PIK3R4: variants seen among roughly 807,000 people sequenced by gnomAD.
PIK3R4 encodes phosphoinositide-3-kinase regulatory subunit 4, also known as phosphoinositide 3-kinase regulatory subunit 4.
PIK3R4 carries 46 observed loss-of-function variants against 136.5 expected under a neutral mutation model. That is an observed-to-expected ratio of 0.34 (90% CI 0.27 to 0.43). PIK3R4 has a LOEUF of 0.43. Ranked by LOEUF, PIK3R4 falls within the 20% of genes least tolerant of loss-of-function variation. The probability of loss-of-function intolerance (pLI) is 1.00; values close to 1 mark genes in which losing one functional copy is unlikely to be tolerated. For synonymous variants in PIK3R4, 557 were observed against 566.7 expected (o/e 0.98, Z 0.24); for missense variants, 1,331 against 1,649.5 (o/e 0.81, Z 3.35).
intron 5 of PIK3R4, among the ~76,000 whole-genome samples, 164 bp downstream of exon 5, chr3:130,730,144 A>G (rs56166838): frequency 0.035 from 5,306 of 152,286 alleles, 332 homozygotes; most frequent in African/African-American, 0.12. Flanking sequence ...AGATAACAGT[A>G]TATGAGGATA....
intron 7 of PIK3R4, among the ~76,000 whole-genome samples, chr3:130,722,483 G>GT (rs1459228123): frequency 6.6e-6 from 1 of 152,030 alleles, no homozygotes; most frequent in Non-Finnish European, 1.5e-5. Context: ...ATGGGCATCT[G>GT]TTTTGTAGAT....
intron 18 of PIK3R4, 89 bp downstream of exon 18, chr3:130,680,888 A>C (rs149124190): frequency 1.3e-6 from 1 of 785,068 alleles, no homozygotes; most frequent in African/African-American, 1.8e-5. Context: ...CTGTCCTTAT[A>C]AGATGATTTT....
In PIK3R4 at chr3:130,684,357, C is replaced by A; in HGVS notation, c.3500G>T (p.Cys1167Phe). The A allele has an allele frequency of 3.7e-6, 6 of 1,613,412 alleles. No individual in the cohort carries two copies. The highest frequency in any genetic ancestry group is 4.2e-6 in the Non-Finnish European group (5 of 1,179,564). The change falls in exon 16 of 20, where the codon TGT becomes TTT. Residue 1167 changes from cysteine to phenylalanine, a missense_variant. Cys to Phe is a radical substitution (Grantham distance 205). Coordinates refer to ENST00000356763, the MANE Select transcript of PIK3R4 (RefSeq NM_014602.3). The stretch of plus-strand genomic sequence containing the variant: ...TGGCAACTGGAACCTCATGTCCCAA[C>A]AAGCCATGGTACCACTGCTTGTACC... ...CIGTSSGTMA[C>F]WDMRFQLPIS...
At chr3:130,686,738 T>A (rs989849043) in intron 14 of PIK3R4, among the ~76,000 whole-genome samples, 5 of 152,208 alleles carry the variant, frequency 3.3e-5, no homozygotes, top group African/African-American at 1.2e-4. Flanking sequence ...TCTGATTTTA[T>A]CAGTTTTCCC....
chr3:130,694,179 C>T (rs778673448), intron 13 of PIK3R4, among the ~76,000 whole-genome samples: 2 of 151,986 alleles, frequency 1.3e-5, no homozygotes, highest in Admixed American at 6.6e-5. Context: ...TTTACTGTAG[C>T]TTTGTAGCAA....
chr3:130,694,265 T>G (rs2066534785), intron 13 of PIK3R4, among the ~76,000 whole-genome samples: 1 of 152,006 alleles, frequency 6.6e-6, no homozygotes, highest in Non-Finnish European at 1.5e-5. Context: ...TCTGAGTCTC[T>G]TGTAATTCTT....
Position 130,684,784 on chromosome 3 carries a change from C to G in PIK3R4, c.3476-403G>C, listed in dbSNP as rs16830990. Among the ~76,000 whole-genome samples, 524 of 152,262 alleles carry G rather than the reference C, an allele frequency of 3.4e-3. 18 individuals carry two copies. The East Asian group carries it at 0.076, about 22-fold the overall frequency. On this transcript the variant is annotated intron_variant, in intron 15 of 19. Transcript: ENST00000356763. The stretch of plus-strand genomic sequence containing the variant: ...TACTGGTATTCAATGATCACTTTAC[C>G]AATCCCAAAGTAGCAGCAGCTTTGT...
intron 14 of PIK3R4, among the ~76,000 whole-genome samples, chr3:130,689,073 GCTAT>G (rs1296505305): frequency 2.0e-5 from 3 of 152,190 alleles, no homozygotes; most frequent in African/African-American, 7.2e-5. Flanking sequence ...ATTAGTAAGA[GCTAT>G]CTATGAGAAC....
intron 13 of PIK3R4, among the ~76,000 whole-genome samples, chr3:130,701,722 T>C (rs983110532): frequency 2.0e-5 from 3 of 152,118 alleles, no homozygotes; most frequent in Admixed American, 6.5e-5. Context: ...CTTCATAGCA[T>C]ACAAATTTTA....
chr3:130,712,387 C>T (rs545487292), intron 9 of PIK3R4, among the ~76,000 whole-genome samples: 1 of 151,958 alleles, frequency 6.6e-6, no homozygotes, highest in East Asian at 1.9e-4. Context: ...AACAAGGACT[C>T]GCCGGGCGAG....
intron 12 of PIK3R4, among the ~76,000 whole-genome samples, chr3:130,704,735 C>T (rs1490965403): frequency 6.6e-6 from 1 of 152,156 alleles, no homozygotes; most frequent in Non-Finnish European, 1.5e-5. Context: ...TAAGTCTTAA[C>T]AGAATATGGA....
chr3:130,728,699 A>AG lies in PIK3R4; in HGVS notation c.1586-16_1586-15insC, dbSNP rs779464468. 4,582 of 1,427,210 alleles carry AG rather than the reference A, an allele frequency of 3.2e-3. 4 individuals carry two copies. Among genetic ancestry groups the AG allele is most frequent in the Non-Finnish European group, 3.5e-3 (3,703 of 1,048,776 alleles). 88.4% of individuals were successfully genotyped at this position (1,427,210 alleles called of 1,614,324 possible). ...GGCTTGGAGCTCTAAAAAAAAAAAA[A>AG]AAAGAAAGAAAGAAAGAAAGAAAAG... On this transcript the variant is annotated splice_polypyrimidine_tract_variant and intron_variant, in intron 5 of 19. Coordinates refer to ENST00000356763, the MANE Select transcript of PIK3R4 (RefSeq NM_014602.3).
chr3:130,730,195 T>G, intron 5 of PIK3R4, 113 bp downstream of exon 5: 1 of 794,702 alleles, frequency 1.3e-6, no homozygotes, highest in Non-Finnish European at 2.0e-6. Context: ...CTATCTAATA[T>G]ATAGATCTGG....
chr3:130,733,525 A>AT, intron 4 of PIK3R4, 23 bp downstream of exon 4: 1 of 1,484,126 alleles, frequency 6.7e-7, no homozygotes, highest in Non-Finnish European at 9.4e-7. Flanking sequence ...TAAGTGGCTA[A>AT]TATTTGGACA....
intron 6 of PIK3R4, among the ~76,000 whole-genome samples, chr3:130,724,612 AAAAG>A (rs1374360742): frequency 1.3e-5 from 2 of 152,200 alleles, no homozygotes; most frequent in East Asian, 3.9e-4. Flanking sequence ...CAAACAATAA[AAAAG>A]AGAGACACAG....
chr3:130,692,827 TCC>T (rs1266123524), intron 13 of PIK3R4, among the ~76,000 whole-genome samples: 1 of 152,188 alleles, frequency 6.6e-6, no homozygotes, highest in African/African-American at 2.4e-5. Flanking sequence ...AGGCTTTCTC[TCC>T]CCATCTCTTT....
intron 12 of PIK3R4, among the ~76,000 whole-genome samples, 190 bp downstream of exon 12, chr3:130,705,371 C>T (rs907634752): frequency 6.6e-6 from 1 of 152,172 alleles, no homozygotes; most frequent in African/African-American, 2.4e-5. Context: ...ATGACTTTGC[C>T]AGTTGTAAAA....
Position 130,723,590 on chromosome 3 carries a change from G to T in PIK3R4, c.1808-3C>A, listed in dbSNP as rs370322759. The T allele has an allele frequency of 1.0e-4, 166 of 1,609,516 alleles. 3 individuals carry two copies. The highest frequency in any genetic ancestry group is 8.4e-4 in the South Asian group (76 of 90,114). On this transcript the variant is annotated splice_region_variant and splice_polypyrimidine_tract_variant and intron_variant, in intron 6 of 19. Transcript: ENST00000356763. ...CCAGCCAACATAGGCAGCAACACCT[G>T]GAAATGAAAAGCAATATTATGTGAT...
chr3:130,736,910 G>A (rs1286785328), intron 2 of PIK3R4, among the ~76,000 whole-genome samples: 1 of 152,064 alleles, frequency 6.6e-6, no homozygotes. Context: ...ATTAGGGAGA[G>A]GAAAAGAGAG....
Sources: allele counts gnomAD v4.1 joint callset (sites outside exome capture counted in the v4.1 genomes callset), GRCh38; gene constraint gnomAD v4.1.1; transcripts MANE v1.5; gene names NCBI Gene and HGNC (gene_info 2026-07-23, HGNC 2026-07-21).